SYT16: variants seen among roughly 807,000 people sequenced by gnomAD.
SYT16 encodes the protein synaptotagmin-16.
In SYT16, 42 loss-of-function variants were observed where a neutral mutation model predicts 61.4. The ratio of observed to expected loss-of-function variants is 0.68; its 90% confidence interval spans 0.53 to 0.89. The LOEUF (loss-of-function observed/expected upper bound fraction) is 0.89, where lower values mean the gene tolerates loss of function less well. SYT16 is among the 40% of genes least tolerant of loss of function. The pLI is 0.00. For missense variants in SYT16, 804 were observed against 807.3 expected (o/e 1.00, Z 0.05); for synonymous variants, 314 against 302.3 (o/e 1.04, Z -0.40).
At chr14:61,999,089 A>T (rs2052886802) in intron 3 of SYT16, among the ~76,000 whole-genome samples, 1 of 150,486 alleles carries the variant, frequency 6.6e-6, no homozygotes, top group Non-Finnish European at 1.5e-5. Flanking sequence ...TTTTTTAGGG[A>T]TATTGGTCTG....
At chr14:61,848,560 C>T (rs2046513459) in intron 1 of SYT16, among the ~76,000 whole-genome samples, 1 of 152,190 alleles carries the variant, frequency 6.6e-6, no homozygotes, top group South Asian at 2.1e-4. Flanking sequence ...TCAAGGCCCA[C>T]TGTAGCCGCT....
At chr14:61,972,769 A>T (rs567525447) in intron 2 of SYT16, among the ~76,000 whole-genome samples, 74 of 152,322 alleles carry the variant, frequency 4.9e-4, no homozygotes, top group Non-Finnish European at 8.4e-4. Context: ...GGTGGGAAGA[A>T]GCCCAGTACA....
intron 1 of SYT16, among the ~76,000 whole-genome samples, chr14:61,935,786 C>T (rs890656651): frequency 2.0e-5 from 3 of 152,100 alleles, no homozygotes; most frequent in African/African-American, 4.8e-5. Flanking sequence ...TGCTTTGCAT[C>T]GTGGTAAGCA....
At chr14:61,997,571 T>C (rs1342339365) in intron 3 of SYT16, among the ~76,000 whole-genome samples, 1 of 152,084 alleles carries the variant, frequency 6.6e-6, no homozygotes, top group Non-Finnish European at 1.5e-5. Flanking sequence ...CTTGATACTT[T>C]TATTCAAATT....
At chr14:61,841,542 T>G (rs926938186) in intron 1 of SYT16, among the ~76,000 whole-genome samples, 2 of 152,196 alleles carry the variant, frequency 1.3e-5, no homozygotes, top group Non-Finnish European at 2.9e-5. Flanking sequence ...TATTTTAGAT[T>G]CAGGGGGTAT....
rs778899244 is a variant in SYT16 at position 62,101,515 on chromosome 14, T to C, written c.*808T>C. The C allele has an allele frequency of 5.3e-5, 8 of 151,678 alleles. No homozygotes were observed. Among genetic ancestry groups the C allele is most frequent in the Non-Finnish European group, 8.8e-5 (6 of 68,008 alleles). 9.4% of individuals were successfully genotyped at this position (151,678 alleles called of 1,614,324 possible). A position where few individuals can be genotyped will look rare whatever the true frequency, so the allele number is the denominator to read the frequency against. On this transcript the variant is annotated 3_prime_UTR_variant, in exon 8 of 8. Coordinates refer to ENST00000683842, the MANE Select transcript of SYT16 (RefSeq NM_001367656.1). ...AAAACAAGACTACTGCAGTCATAGATTTATTGATTTTTTCTGCTTCTGGTG... is the reference window on the plus strand; with the variant it reads ...AAAACAAGACTACTGCAGTCATAGACTTATTGATTTTTTCTGCTTCTGGTG...
At chr14:61,891,351 G>A (rs756321608) in intron 1 of SYT16, among the ~76,000 whole-genome samples, 3 of 151,064 alleles carry the variant, frequency 2.0e-5, no homozygotes, top group Non-Finnish European at 2.9e-5. Flanking sequence ...CTTGAGCATT[G>A]ATTCACATTT....
At chr14:61,821,475 A>G (rs941770760) in intron 1 of SYT16, among the ~76,000 whole-genome samples, 1 of 152,196 alleles carries the variant, frequency 6.6e-6, no homozygotes, top group Middle Eastern at 3.2e-3. Context: ...CTGGGCTTTC[A>G]TCTGAAGGCT....
chr14:62,034,873 C>A (rs1458031267), intron 3 of SYT16, among the ~76,000 whole-genome samples: 2 of 152,076 alleles, frequency 1.3e-5, no homozygotes, highest in Non-Finnish European at 2.9e-5. Flanking sequence ...ATCAATAAAG[C>A]TGTTTTTTAA....
intron 1 of SYT16, among the ~76,000 whole-genome samples, chr14:61,821,764 G>A (rs765086755): frequency 1.4e-4 from 21 of 152,198 alleles, no homozygotes; most frequent in Non-Finnish European, 2.4e-4. Context: ...AAAAGGAAGG[G>A]ATTAAACAAG....
At chr14:61,982,495 T>C (rs2052126325) in intron 2 of SYT16, among the ~76,000 whole-genome samples, 1 of 152,116 alleles carries the variant, frequency 6.6e-6, no homozygotes, top group Non-Finnish European at 1.5e-5. Context: ...ATGAGACTTA[T>C]TCACTACCAC....
intron 3 of SYT16, among the ~76,000 whole-genome samples, chr14:62,057,747 A>G (rs2055628849): frequency 6.6e-6 from 1 of 152,170 alleles, no homozygotes; most frequent in South Asian, 2.1e-4. Flanking sequence ...GCTATAAGAT[A>G]TAGATTTCTT....
intron 1 of SYT16, among the ~76,000 whole-genome samples, chr14:61,815,924 T>A (rs909081075): frequency 1.3e-5 from 2 of 152,242 alleles, no homozygotes; most frequent in African/African-American, 4.8e-5. Context: ...TTGAAGTCAC[T>A]TTAATCTGTT....
intron 3 of SYT16, among the ~76,000 whole-genome samples, chr14:62,045,036 G>T (rs1475702598): frequency 6.6e-6 from 1 of 152,174 alleles, no homozygotes; most frequent in African/African-American, 2.4e-5. Context: ...AACTCAGGAG[G>T]CTGAGGCAGG....
intron 2 of SYT16, among the ~76,000 whole-genome samples, chr14:61,979,155 A>G (rs748216869): frequency 2.0e-5 from 3 of 152,224 alleles, no homozygotes; most frequent in Non-Finnish European, 2.9e-5. Flanking sequence ...AGATGTAAAA[A>G]TAAAAATAGA....
At chr14:62,031,476 C>T (rs1595204199) in intron 3 of SYT16, among the ~76,000 whole-genome samples, 2 of 152,248 alleles carry the variant, frequency 1.3e-5, no homozygotes, top group Non-Finnish European at 2.9e-5. Context: ...GGTAGTTGAA[C>T]TTTCGGGCAT....
At position 62,106,285 on chromosome 14, in the gene SYT16, ATG is replaced by A. The variant is rs2057511767; in HGVS notation, c.*5581_*5582del. 1 of 152,178 alleles carries A rather than the reference ATG, an allele frequency of 6.6e-6. No homozygotes were observed. The highest frequency in any genetic ancestry group is 1.5e-5 in the Non-Finnish European group (1 of 68,040). 9.4% of individuals were successfully genotyped at this position (152,178 alleles called of 1,614,324 possible). A position where few individuals can be genotyped will look rare whatever the true frequency, so the allele number is the denominator to read the frequency against. ...ATACAACTGTTAAGTTAGTCTAACT[ATG>A]TGCCATAAACAGTAGAGTTCCTTGT... is the stretch of plus-strand genomic sequence containing the variant. On this transcript the variant is annotated 3_prime_UTR_variant, in exon 8 of 8. Coordinates refer to ENST00000683842, the MANE Select transcript of SYT16 (RefSeq NM_001367656.1).
intron 7 of SYT16, among the ~76,000 whole-genome samples, chr14:62,090,271 A>G (rs995060837): frequency 9.9e-5 from 15 of 152,224 alleles, no homozygotes; most frequent in African/African-American, 3.6e-4. Context: ...CAAGTTCCCC[A>G]GCTTCTCAGC....
chr14:61,967,178 C>T (rs548334180), intron 1 of SYT16, among the ~76,000 whole-genome samples: 1 of 152,162 alleles, frequency 6.6e-6, no homozygotes, highest in East Asian at 1.9e-4. Context: ...GAGGTGTGAC[C>T]TACGTTTGGG....
Sources: gnomAD v4.1 joint callset for allele counts (sites outside exome capture counted in the v4.1 genomes callset) on GRCh38, gnomAD v4.1.1 for gene constraint, MANE v1.5 for transcripts, NCBI Gene and HGNC (gene_info 2026-07-23, HGNC 2026-07-21) for gene names.